Variants in CSMD3 observed in about 807,000 individuals in gnomAD.
CSMD3 encodes CUB and sushi domain-containing protein 3.
A neutral mutation model predicts 435.2 loss-of-function variants in CSMD3; 177 were observed. The ratio of observed to expected loss-of-function variants is 0.41; its 90% CI spans 0.36 to 0.46. The LOEUF (loss-of-function observed/expected upper bound fraction) is 0.46. CSMD3 is among the 20% of genes least tolerant of loss of function. The probability of loss-of-function intolerance (pLI) is 0.34; values close to 1 mark genes in which losing one functional copy is unlikely to be tolerated. For missense variants in CSMD3, 4,265 were observed against 4,504.6 expected, an observed-to-expected ratio of 0.95 and a Z score of 1.52; for synonymous variants, 1,656 against 1,520.5, an observed-to-expected ratio of 1.09 and a Z score of -2.07.
intron 11 of CSMD3, among the ~76,000 whole-genome samples, chr8:112,858,868 A>T (rs2080742356): frequency 6.6e-6 from 1 of 152,014 alleles, no homozygotes; most frequent in East Asian, 1.9e-4. Context: ...TTTAAAAAGG[A>T]TACACTTACA....
intron 38 of CSMD3, among the ~76,000 whole-genome samples, chr8:112,368,402 A>T (rs1478488438): frequency 6.6e-6 from 1 of 152,194 alleles, no homozygotes; most frequent in Non-Finnish European, 1.5e-5. Flanking sequence ...TAGCCTTGTC[A>T]TCTGGAGTTT....
At chr8:112,581,540 T>C (rs1270681687) in intron 23 of CSMD3, among the ~76,000 whole-genome samples, 1 of 152,084 alleles carries the variant, frequency 6.6e-6, no homozygotes, top group Non-Finnish European at 1.5e-5. Context: ...CAATAACAAT[T>C]GAACTTAATT....
intron 10 of CSMD3, among the ~76,000 whole-genome samples, chr8:112,917,730 T>C (rs1353291685): frequency 6.6e-6 from 1 of 151,940 alleles, no homozygotes; most frequent in African/African-American, 2.4e-5. Context: ...AATTGTAGAA[T>C]AGTGACAATG....
chr8:113,164,643 A>C (rs2092114851), intron 4 of CSMD3, among the ~76,000 whole-genome samples: 1 of 152,094 alleles, frequency 6.6e-6, no homozygotes, highest in African/African-American at 2.4e-5. Flanking sequence ...AAGGCATCCA[A>C]GTTCCAGAAT....
chr8:113,307,469 T>C (rs1032248109), intron 2 of CSMD3, among the ~76,000 whole-genome samples: 1 of 152,096 alleles, frequency 6.6e-6, no homozygotes, highest in Admixed American at 6.5e-5. Context: ...CATCTTTGGA[T>C]AAGCAAATAT....
chr8:112,864,700 A>T (rs897596953), intron 10 of CSMD3, among the ~76,000 whole-genome samples: 14 of 152,300 alleles, frequency 9.2e-5, no homozygotes, highest in African/African-American at 3.4e-4. Flanking sequence ...TACTAAAAAA[A>T]CAATGAAGGG....
At chr8:113,010,593 G>A (rs2086222134) in intron 6 of CSMD3, among the ~76,000 whole-genome samples, 1 of 151,768 alleles carries the variant, frequency 6.6e-6, no homozygotes, top group Middle Eastern at 3.6e-3. Context: ...TTTAAAGATA[G>A]TAATTGAAAT....
chr8:112,747,962 C>CAAAAAAAAAAA (rs71309788), intron 13 of CSMD3, among the ~76,000 whole-genome samples: 30 of 96,744 alleles, frequency 3.1e-4, no homozygotes, highest in African/African-American at 1.1e-3. Context: ...GACTCCGTCT[C>CAAAAAAAAAAA]AAAAAAAAAA....
At chr8:112,899,460 T>C (rs2082039709) in intron 10 of CSMD3, among the ~76,000 whole-genome samples, 1 of 148,068 alleles carries the variant, frequency 6.8e-6, no homozygotes, top group African/African-American at 2.5e-5. Context: ...ATTCTAAGCA[T>C]TTTAGTTTTT....
chr8:112,989,229 AG>A (rs1036595749), intron 6 of CSMD3, among the ~76,000 whole-genome samples: 1 of 152,072 alleles, frequency 6.6e-6, no homozygotes, highest in Non-Finnish European at 1.5e-5. Flanking sequence ...GAGTTATTTA[AG>A]AAAAAGACCT....
intron 10 of CSMD3, among the ~76,000 whole-genome samples, chr8:112,871,520 G>A (rs1349315835): frequency 6.6e-6 from 1 of 152,020 alleles, no homozygotes; most frequent in Admixed American, 6.6e-5. Context: ...AAAGTGAGAA[G>A]ACCAGCACTG....
At chr8:112,339,998 G>A (rs546347966) in intron 42 of CSMD3, among the ~76,000 whole-genome samples, 1 of 152,112 alleles carries the variant, frequency 6.6e-6, no homozygotes, top group East Asian at 1.9e-4. Context: ...TGTTTTTCAA[G>A]GATATATTAA....
chr8:113,243,117 CTATT>C (rs1388796357), intron 3 of CSMD3, among the ~76,000 whole-genome samples: 1 of 151,662 alleles, frequency 6.6e-6, no homozygotes, highest in Non-Finnish European at 1.5e-5. Flanking sequence ...TTCTTCATCT[CTATT>C]AATACAAGAA....
chr8:112,465,841 G>C (rs1817897074), intron 32 of CSMD3, among the ~76,000 whole-genome samples: 1 of 151,964 alleles, frequency 6.6e-6, no homozygotes, highest in African/African-American at 2.4e-5. Flanking sequence ...TGGATGTGGT[G>C]GTGGGCGCCT....
chr8:112,878,906 T>A (rs1271536344), intron 10 of CSMD3, among the ~76,000 whole-genome samples: 1 of 152,154 alleles, frequency 6.6e-6, no homozygotes, highest in African/African-American at 2.4e-5. Flanking sequence ...GTCTTTAATC[T>A]CTTAATCCCG....
intron 3 of CSMD3, among the ~76,000 whole-genome samples, chr8:113,215,100 C>A (rs2092887139): frequency 6.6e-6 from 1 of 151,808 alleles, no homozygotes; most frequent in Non-Finnish European, 1.5e-5. Flanking sequence ...AATAAAATAT[C>A]ATTTTTATGG....
intron 7 of CSMD3, among the ~76,000 whole-genome samples, chr8:112,974,261 A>G (rs1161560244): frequency 6.6e-6 from 1 of 151,924 alleles, no homozygotes; most frequent in Non-Finnish European, 1.5e-5. Context: ...AGTCTGCATT[A>G]TTGTTCCAAG....
At chr8:113,215,035 A>G (rs2092885636) in intron 3 of CSMD3, among the ~76,000 whole-genome samples, 1 of 151,928 alleles carries the variant, frequency 6.6e-6, no homozygotes. Flanking sequence ...TATTTCATAG[A>G]AACATGCTAT....
At chr8:112,697,530 T>C (rs887111430) in intron 13 of CSMD3, among the ~76,000 whole-genome samples, 14 of 151,756 alleles carry the variant, frequency 9.2e-5, no homozygotes, top group East Asian at 3.9e-4. Context: ...TAGGTGGGAA[T>C]TGAATAATGA....
Sources: allele counts gnomAD v4.1 joint callset (sites outside exome capture counted in the v4.1 genomes callset), GRCh38; gene constraint gnomAD v4.1.1; transcripts MANE v1.5; gene names NCBI Gene and HGNC (gene_info 2026-07-23, HGNC 2026-07-21).